The following ERG variants were observed in gnomAD, a reference collection of about 807,000 sequenced individuals.
The protein encoded by ERG is transcriptional regulator ERG.
Under a neutral mutation model 55.3 loss-of-function variants are expected in ERG, and 9 were observed. The ratio of observed to expected loss-of-function variants is 0.16; its 90% CI spans 0.10 to 0.28. The LOEUF is 0.28. ERG is among the 10% of genes least tolerant of loss of function. The pLI is 1.00. For missense variants in ERG, 434 were observed against 631.6 expected, an observed-to-expected ratio of 0.69 and a Z score of 3.35; for synonymous variants, 223 against 237.3, an observed-to-expected ratio of 0.94 and a Z score of 0.55.
At chr21:38,468,267 C>T (rs1210847489) in intron 1 of ERG, among the ~76,000 whole-genome samples, 1 of 152,190 alleles carries the variant, frequency 6.6e-6, no homozygotes, top group African/African-American at 2.4e-5. Flanking sequence ...TTTCTCTCTC[C>T]TGTTGGGCTG....
chr21:38,575,977 C>T (rs550657130), intron 1 of ERG, among the ~76,000 whole-genome samples: 6 of 152,318 alleles, frequency 3.9e-5, no homozygotes, highest in Middle Eastern at 3.4e-3. Flanking sequence ...AACCCTAGTC[C>T]GACAGGACAG....
intron 2 of ERG, among the ~76,000 whole-genome samples, chr21:38,533,376 A>T (rs1347344807): frequency 6.6e-6 from 1 of 152,214 alleles, no homozygotes; most frequent in Non-Finnish European, 1.5e-5. Flanking sequence ...CACATAAATG[A>T]TCAAAGACTT....
rs915439882 is a variant in ERG, at chr21:38,423,058, CTT to C, written c.388+350_388+351del. 1.7e-4 allele frequency among the ~76,000 whole-genome samples: 26 copies of C among 151,008 alleles called. 1 individual carries two copies. The highest frequency in any genetic ancestry group is 3.4e-4 in the Non-Finnish European group (23 of 67,866). The stretch of plus-strand genomic sequence containing the variant: ...GGCTGCATGTTTGCCTGGACATCCT[CTT>C]TCTCTCTGTCTCTCTCCATACGTAG... On this transcript the variant is annotated intron_variant, in intron 3 of 9. Coordinates refer to ENST00000288319, the MANE Select transcript of ERG (RefSeq NM_182918.4).
intron 2 of ERG, among the ~76,000 whole-genome samples, chr21:38,560,351 C>G (rs936340943): frequency 6.6e-6 from 1 of 152,112 alleles, no homozygotes; most frequent in African/African-American, 2.4e-5. Context: ...GAACAACCTC[C>G]AGCTGTTCAC....
chr21:38,483,693 A>G (rs912561378), intron 1 of ERG, among the ~76,000 whole-genome samples: 4 of 151,800 alleles, frequency 2.6e-5, no homozygotes. Flanking sequence ...CTAAAAATAC[A>G]AACAAACAAA....
intron 1 of ERG, among the ~76,000 whole-genome samples, chr21:38,599,103 T>C (rs2060148692): frequency 6.6e-6 from 1 of 152,158 alleles, no homozygotes; most frequent in Non-Finnish European, 1.5e-5. Context: ...CAGGGGCTAG[T>C]GACTGCCTTC....
intron 3 of ERG, among the ~76,000 whole-genome samples, chr21:38,408,817 G>A (rs1287920776): frequency 6.6e-6 from 1 of 152,164 alleles, no homozygotes; most frequent in African/African-American, 2.4e-5. Context: ...TGTGTAGGAG[G>A]AAGGGGAGGG....
At chr21:38,572,523 T>A (rs2059965519) in intron 2 of ERG, among the ~76,000 whole-genome samples, 2 of 152,152 alleles carry the variant, frequency 1.3e-5, no homozygotes, top group South Asian at 4.1e-4. Flanking sequence ...TCCTCCCAAC[T>A]TTGTTGTCAA....
chr21:38,467,484 C>T (rs985264883), intron 1 of ERG, among the ~76,000 whole-genome samples: 16 of 151,954 alleles, frequency 1.1e-4, no homozygotes, highest in Non-Finnish European at 1.8e-4. Flanking sequence ...GGTGCTTCTG[C>T]GGGTGTGGAG....
intron 2 of ERG, among the ~76,000 whole-genome samples, chr21:38,523,083 A>C (rs1259655056): frequency 6.6e-6 from 1 of 152,206 alleles, no homozygotes. Flanking sequence ...GGGTGAGGCC[A>C]GTTTTCTAGT....
chr21:38,399,808 G>C (rs1235488861), intron 6 of ERG, among the ~76,000 whole-genome samples: 1 of 152,134 alleles, frequency 6.6e-6, no homozygotes, highest in Non-Finnish European at 1.5e-5. Context: ...TCACATTAGG[G>C]AAAACATTTA....
chr21:38,394,951 C>T (rs1988137732), intron 6 of ERG, among the ~76,000 whole-genome samples: 1 of 152,080 alleles, frequency 6.6e-6, no homozygotes, highest in Admixed American at 6.5e-5. Context: ...AAATAAATGC[C>T]GAACTACTAT....
intron 3 of ERG, among the ~76,000 whole-genome samples, chr21:38,406,154 C>CAAAAAAAA (rs56711562): frequency 4.2e-4 from 40 of 95,016 alleles, no homozygotes; most frequent in Non-Finnish European, 6.0e-4. Flanking sequence ...GACTCCATCT[C>CAAAAAAAA]AAAAAAAAAA....
At chr21:38,652,716 C>T (rs1305208550) in intron 1 of ERG, among the ~76,000 whole-genome samples, 1 of 152,186 alleles carries the variant, frequency 6.6e-6, no homozygotes, top group Admixed American at 6.5e-5. Flanking sequence ...AGCAAGCATG[C>T]CCAAGAACGG....
At chr21:38,582,694 A>C (rs1197661011) in intron 1 of ERG, among the ~76,000 whole-genome samples, 4 of 152,260 alleles carry the variant, frequency 2.6e-5, no homozygotes, top group Non-Finnish European at 5.9e-5. Flanking sequence ...AATCATTATA[A>C]TTAAGAAAGT....
upstream of ERG, among the ~76,000 whole-genome samples, chr21:38,589,135 A>G (rs1220068963): frequency 6.6e-6 from 1 of 152,232 alleles, no homozygotes; most frequent in Admixed American, 6.5e-5. Context: ...ACGTGTAAGC[A>G]GCAGTGAATA....
chr21:38,415,283 G>A (rs1989228198), intron 3 of ERG, among the ~76,000 whole-genome samples: 1 of 152,160 alleles, frequency 6.6e-6, no homozygotes, highest in South Asian at 2.1e-4. Context: ...TAGGGTGGTC[G>A]CATGATTTAA....
intron 8 of ERG, among the ~76,000 whole-genome samples, chr21:38,391,393 T>C (rs2146427855): frequency 6.6e-6 from 1 of 152,296 alleles, no homozygotes; most frequent in Middle Eastern, 3.4e-3. Flanking sequence ...AAGTAAAATC[T>C]AAAAAATTAA....
At chr21:38,536,072 A>T (rs1262490340) in intron 2 of ERG, among the ~76,000 whole-genome samples, 2 of 152,130 alleles carry the variant, frequency 1.3e-5, no homozygotes, top group African/African-American at 4.8e-5. Flanking sequence ...GACCATGAGC[A>T]ATTAGCCCCC....
Sources: allele counts gnomAD v4.1 joint callset (sites outside exome capture counted in the v4.1 genomes callset), GRCh38; gene constraint gnomAD v4.1.1; transcripts MANE v1.5; gene names NCBI Gene and HGNC (gene_info 2026-07-23, HGNC 2026-07-21).